PCGF3: variants seen among roughly 807,000 people sequenced by gnomAD.
PCGF3 encodes polycomb group ring finger 3.
Under a neutral mutation model 33.1 loss-of-function variants are expected in PCGF3, and 7 were observed. That is an observed-to-expected ratio of 0.21 (90% CI 0.12 to 0.40). PCGF3 has a LOEUF of 0.40. PCGF3 is among the 10% of genes least tolerant of loss of function. PCGF3 has a pLI of 1.00. For synonymous variants in PCGF3, 153 were observed against 121.3 expected (o/e 1.26, Z -1.72); for missense variants, 211 against 313.3 (o/e 0.67, Z 2.46).
chr4:723,413 C>T (rs1743198341), intron 1 of PCGF3, among the ~76,000 whole-genome samples: 1 of 151,984 alleles, frequency 6.6e-6, no homozygotes, highest in South Asian at 2.1e-4. Flanking sequence ...CCTTGGGAAG[C>T]AGAAGAAGGT....
intron 1 of PCGF3, chr4:725,269 A>G (rs899252551): frequency 3.9e-5 from 6 of 153,224 alleles, no homozygotes; most frequent in African/African-American, 1.4e-4. Flanking sequence ...TGAGGGGTGT[A>G]CATGTGGAGC....
At chr4:764,892 A>C (rs1054603617) in intron 9 of PCGF3, 92 bp from the exon 10 acceptor site, 3 of 799,822 alleles carry the variant, frequency 3.8e-6, no homozygotes, top group Non-Finnish European at 6.5e-6. Flanking sequence ...ATGATTGGGG[A>C]GGGGCTGCAG....
At chr4:751,763 C>G (rs1473739129) in intron 8 of PCGF3, among the ~76,000 whole-genome samples, 3 of 152,242 alleles carry the variant, frequency 2.0e-5, no homozygotes, top group Non-Finnish European at 4.4e-5. Context: ...CCCTCCCACC[C>G]CTGGCTGGGC....
At chr4:752,731 G>A (rs570829286) in intron 8 of PCGF3, among the ~76,000 whole-genome samples, 3 of 152,298 alleles carry the variant, frequency 2.0e-5, no homozygotes, top group South Asian at 2.1e-4. Flanking sequence ...CCAGGCCCCC[G>A]GGGTCTTCCC....
At chr4:761,065 T>A (rs1208365203) in intron 8 of PCGF3, among the ~76,000 whole-genome samples, 1 of 152,214 alleles carries the variant, frequency 6.6e-6, no homozygotes, top group South Asian at 2.1e-4. Context: ...CAGGGTGAGG[T>A]TATAGTTCAC....
chr4:714,992 T>C (rs201532591), intron 1 of PCGF3, among the ~76,000 whole-genome samples: 4,007 of 110,078 alleles, frequency 0.036, 127 homozygotes, highest in East Asian at 0.084. Context: ...GAGAACTGGG[T>C]GTCGGTGCTG....
exon 11 of PCGF3, chr4:767,128 G>C (rs1745416886): frequency 6.6e-6 from 1 of 152,226 alleles, no homozygotes; most frequent in Non-Finnish European, 1.5e-5. Flanking sequence ...TTACTGGAAG[G>C]GCGTTTTTCA....
At chr4:765,836 CAT>C (rs1443006142) in intron 10 of PCGF3, among the ~76,000 whole-genome samples, 194 bp from the exon 11 acceptor site, 11 of 152,196 alleles carry the variant, frequency 7.2e-5, no homozygotes, top group South Asian at 4.1e-4. Flanking sequence ...GGAGAGGGCA[CAT>C]GTCTTCCTAG....
At chr4:764,579 G>A (rs775917668) in intron 9 of PCGF3, 9 of 168,492 alleles carry the variant, frequency 5.3e-5, no homozygotes, top group South Asian at 2.9e-4. Flanking sequence ...TGCTCAGTAC[G>A]GCAGGTGTGG....
chr4:758,095 G>A (rs1744852174), intron 8 of PCGF3, among the ~76,000 whole-genome samples: 2 of 149,656 alleles, frequency 1.3e-5, no homozygotes, highest in South Asian at 2.1e-4. Context: ...TTGAACCCAG[G>A]AGGCGGAGGT....
At chr4:766,000 A>G in intron 10 of PCGF3, 32 bp from the exon 11 acceptor site, 4 of 1,608,736 alleles carry the variant, frequency 2.5e-6, no homozygotes, top group Non-Finnish European at 3.4e-6. Context: ...CACCCCTGCT[A>G]AGCAGGCACT....
chr4:737,374 G>T, intron 5 of PCGF3, 92 bp from the exon 6 acceptor site: 1 of 856,452 alleles, frequency 1.2e-6, no homozygotes, highest in Non-Finnish European at 2.0e-6. Flanking sequence ...CCAGACTGGT[G>T]ATTCTGAACT....
intron 1 of PCGF3, among the ~76,000 whole-genome samples, chr4:727,893 T>G (rs1743395917): frequency 6.6e-6 from 1 of 152,206 alleles, no homozygotes; most frequent in African/African-American, 2.4e-5. Flanking sequence ...GAGAAGAGTA[T>G]GAGACTGAAT....
intron 6 of PCGF3, among the ~76,000 whole-genome samples, chr4:740,802 C>T (rs1399295316): frequency 1.3e-5 from 2 of 152,204 alleles, no homozygotes; most frequent in African/African-American, 4.8e-5. Flanking sequence ...CCCACTGGCT[C>T]AGCTGTGGTC....
chr4:735,118 C>T (rs989514612), intron 5 of PCGF3, 91 bp downstream of exon 5: 45 of 1,378,572 alleles, frequency 3.3e-5, no homozygotes, highest in Non-Finnish European at 4.5e-5. Context: ...TAGCGCTGTA[C>T]TCCCATCCTG....
chr4:718,626 C>T (rs144279172), intron 1 of PCGF3, among the ~76,000 whole-genome samples: 48 of 152,318 alleles, frequency 3.2e-4, no homozygotes, highest in Non-Finnish European at 5.6e-4. Context: ...CCACGGTCCA[C>T]GGAGGTGGGG....
Position 764,327 on chromosome 4 carries a change from A to C in PCGF3, c.601-657A>C, listed in dbSNP as rs1363886310. ...TTTAAAAGACTGGGGAGCCTAGTGCATTTTTGCACTATGGTGAGAGGGAGG... is the reference window on the plus strand; with the variant it reads ...TTTAAAAGACTGGGGAGCCTAGTGCCTTTTTGCACTATGGTGAGAGGGAGG... On this transcript the variant is annotated intron_variant, in intron 9 of 10. Coordinates refer to ENST00000362003, the Ensembl canonical transcript of PCGF3. Among the ~76,000 whole-genome samples, 4 of 152,022 alleles carry C rather than the reference A, an allele frequency of 2.6e-5. No homozygotes were observed. The East Asian group carries it at 7.7e-4, about 29-fold the overall frequency.
intron 9 of PCGF3, chr4:761,885 G>A: frequency 1.0e-6 from 1 of 985,462 alleles, no homozygotes; most frequent in South Asian, 4.7e-5. Flanking sequence ...ACACCATGGG[G>A]ATGCAGGCGC....
At position 720,563 on chromosome 4, in the gene PCGF3, C is replaced by T. The variant is rs570967721; in HGVS notation, c.-189-10067C>T. Among the ~76,000 whole-genome samples the T allele has an allele frequency of 6.6e-5, 10 of 152,082 alleles. No individual in the cohort carries two copies. The highest frequency in any genetic ancestry group is 2.1e-4 in the South Asian group (1 of 4,810). Reference sequence around the variant, plus strand: ...AAGGCTGATGTGGACGCAGCCCCGACGTGAACAGGACCCCACGTGGACGGG... The same window carrying T: ...AAGGCTGATGTGGACGCAGCCCCGATGTGAACAGGACCCCACGTGGACGGG... On this transcript the variant is annotated intron_variant, in intron 1 of 10. Transcript: ENST00000362003. The surrounding 1 kb of genome is among the most constrained non-coding windows in gnomAD (Gnocchi z 5.6).
Sources: allele counts gnomAD v4.1 joint callset (sites outside exome capture counted in the v4.1 genomes callset), GRCh38; gene constraint gnomAD v4.1.1; non-coding constraint Gnocchi (gnomAD v3.1); transcripts MANE v1.5; gene names NCBI Gene and HGNC (gene_info 2026-07-23, HGNC 2026-07-21).